Variants in KLF13 observed in about 807,000 individuals in gnomAD.
The protein encoded by KLF13 is KLF transcription factor 13, also known as Krueppel-like factor 13.
Under a neutral mutation model 16.7 loss-of-function variants are expected in KLF13, and 8 were observed. The ratio of observed to expected loss-of-function variants is 0.48; its 90% CI spans 0.28 to 0.87. The LOEUF (loss-of-function observed/expected upper bound fraction) is 0.87. Ranked by LOEUF, KLF13 falls within the 40% of genes least tolerant of loss-of-function variation. The pLI is 0.10. For synonymous variants in KLF13, 245 were observed against 208.4 expected (o/e 1.18, Z -1.51); for missense variants, 447 against 452.2 (o/e 0.99, Z 0.10).
intron 2 of KLF13, among the ~76,000 whole-genome samples, chr15:31,403,131 G>GT (rs2040064812): frequency 6.6e-6 from 1 of 152,200 alleles, no homozygotes; most frequent in African/African-American, 2.4e-5. Context: ...TCCCCAAAAT[G>GT]TTTGAGTATA....
chr15:31,339,611 C>T (rs1022683318), intron 1 of KLF13, among the ~76,000 whole-genome samples: 10 of 152,248 alleles, frequency 6.6e-5, no homozygotes, highest in African/African-American at 2.4e-4. Context: ...ACAACTGGTG[C>T]TTCCAGAAGC....
chr15:31,363,993 G>A (rs11858244), intron 1 of KLF13, among the ~76,000 whole-genome samples: 4,849 of 152,218 alleles, frequency 0.032, 248 homozygotes, highest in African/African-American at 0.11. Flanking sequence ...ACTGCTCCCT[G>A]CCCTAGGGGT....
upstream of KLF13, among the ~76,000 whole-genome samples, chr15:31,387,889 A>G (rs549699222): frequency 6.6e-6 from 1 of 152,306 alleles, no homozygotes; most frequent in African/African-American, 2.4e-5. Context: ...TTGTCCCATA[A>G]TAGGGGTGCT....
At chr15:31,330,363 A>G (rs1051254824) in intron 1 of KLF13, among the ~76,000 whole-genome samples, 1 of 152,126 alleles carries the variant, frequency 6.6e-6, no homozygotes, top group Non-Finnish European at 1.5e-5. Flanking sequence ...CCGCATTTCC[A>G]GGATCCACAG....
chr15:31,379,173 T>C (rs1351378608), downstream of KLF13, among the ~76,000 whole-genome samples: 1 of 152,184 alleles, frequency 6.6e-6, no homozygotes. Context: ...TTCTGTATCA[T>C]AGACTGGGGG....
rs2040307229 is a variant in KLF13, at chr15:31,420,423, T to C, written n.118-14947T>C. 8.4e-6 allele frequency: 9 copies of C among 1,074,896 alleles called. No homozygotes were observed. In the East Asian group the frequency reaches 2.0e-4, roughly 24 times the overall value. The allele number at this position is 1,074,896 out of a possible 1,614,324, so 66.6% of individuals were successfully genotyped here. On this transcript the variant is annotated intron_variant and non_coding_transcript_variant, in intron 1 of 1. Transcript: ENST00000558225. ...TACAATGAGCCCACAGTGAAGTTCC[T>C]CACATCCTGCTACCACCCCAACATA...
rs1314205905 is a variant in KLF13, at chr15:31,375,971, C to G, written c.*3672C>G. 2 of 152,492 alleles carry G rather than the reference C, an allele frequency of 1.3e-5. No homozygotes were observed. Among genetic ancestry groups the G allele is most frequent in the Admixed American group, 6.5e-5 (1 of 15,290 alleles). 9.4% of individuals were successfully genotyped at this position (152,492 alleles called of 1,614,324 possible). ...TGGTGCAGCCTCCGGGTACAAACAT[C>G]TGAGGCACTGGCGATCCCAGTCCTT... On this transcript the variant is annotated 3_prime_UTR_variant, in exon 2 of 2. Coordinates refer to ENST00000307145, the MANE Select transcript of KLF13 (RefSeq NM_015995.4).
chr15:31,327,886 G>A (rs1566797873), intron 1 of KLF13, 97 bp downstream of exon 1: 1 of 1,161,704 alleles, frequency 8.6e-7, no homozygotes, highest in Non-Finnish European at 1.1e-6. Context: ...GCGAGGTGGG[G>A]GCCGGGCGGG....
chr15:31,400,918 A>G (rs1337440098), intron 2 of KLF13, among the ~76,000 whole-genome samples: 1 of 152,128 alleles, frequency 6.6e-6, no homozygotes, highest in Non-Finnish European at 1.5e-5. Flanking sequence ...GAGCACCTGG[A>G]AGCGTCGCAT....
chr15:31,413,515 CA>C lies in KLF13; in HGVS notation n.117+19825del, dbSNP rs553111844. Among the ~76,000 whole-genome samples, 805 of 152,214 alleles carry C rather than the reference CA, an allele frequency of 5.3e-3. 7 individuals are homozygous for C. Among genetic ancestry groups the C allele is most frequent in the South Asian group, 0.022 (106 of 4,820 alleles). On this transcript the variant is annotated intron_variant and non_coding_transcript_variant, in intron 1 of 1. Coordinates refer to the KLF13 transcript ENST00000558225. The stretch of plus-strand genomic sequence containing the variant: ...TAAAAGAGAACCCCAAATACATTAG[CA>C]GCTGACTTTTCATAACAAAACACAG...
At chr15:31,422,759 G>A (rs951813012) in intron 1 of KLF13, among the ~76,000 whole-genome samples, 2 of 152,100 alleles carry the variant, frequency 1.3e-5, no homozygotes, top group East Asian at 1.9e-4. Context: ...TTTCAGCTGG[G>A]CGCAGTGGCT....
chr15:31,405,038 C>T (rs1360608242), downstream of KLF13, among the ~76,000 whole-genome samples: 1 of 152,156 alleles, frequency 6.6e-6, no homozygotes, highest in East Asian at 1.9e-4. Context: ...TAGATGGAAC[C>T]ATGTGCCCCT....
At chr15:31,391,491 C>T (rs8025401), upstream of KLF13, among the ~76,000 whole-genome samples, 2 of 151,330 alleles carry the variant, frequency 1.3e-5, no homozygotes. Context: ...GTCTGCTCGC[C>T]GCATTTTAAC....
chr15:31,377,051 T>A lies in KLF13; in HGVS notation c.*4752T>A, dbSNP rs1458961117. ...TTCTTAAGGCCTCAGGGTCCTGTTTTCCCTGGCCTCTTCTAGAGGGCCCGT... is the reference window on the plus strand; with the variant it reads ...TTCTTAAGGCCTCAGGGTCCTGTTTACCCTGGCCTCTTCTAGAGGGCCCGT... On this transcript the variant is annotated 3_prime_UTR_variant, in exon 2 of 2. Coordinates refer to ENST00000307145, the MANE Select transcript of KLF13 (RefSeq NM_015995.4). 4.6e-5 allele frequency: 7 copies of A among 152,184 alleles called. No homozygotes were observed. The allele number at this position is 152,184 out of a possible 1,614,324, so 9.4% of individuals were successfully genotyped here.
At chr15:31,339,070 T>C (rs1271158387) in intron 1 of KLF13, among the ~76,000 whole-genome samples, 1 of 152,038 alleles carries the variant, frequency 6.6e-6, no homozygotes, top group Non-Finnish European at 1.5e-5. Flanking sequence ...GCCTGTCCCT[T>C]GGGTGTTGGG....
intron 2 of KLF13, among the ~76,000 whole-genome samples, chr15:31,402,165 G>T (rs1483025216): frequency 6.6e-6 from 1 of 152,240 alleles, no homozygotes; most frequent in East Asian, 1.9e-4. Flanking sequence ...AAGGGCTGTG[G>T]GGGCCGGGCA....
chr15:31,329,963 C>A (rs1006140137), intron 1 of KLF13, among the ~76,000 whole-genome samples: 1 of 152,138 alleles, frequency 6.6e-6, no homozygotes, highest in African/African-American at 2.4e-5. Flanking sequence ...TACCGGTACC[C>A]CAGGTGACCC....
chr15:31,426,807 T>C (rs577640079), intron 1 of KLF13, among the ~76,000 whole-genome samples: 2 of 152,198 alleles, frequency 1.3e-5, no homozygotes, highest in African/African-American at 4.8e-5. Flanking sequence ...CAGTGGACCA[T>C]ATAGGGAAGA....
At chr15:31,364,528 A>G (rs967884467) in intron 1 of KLF13, among the ~76,000 whole-genome samples, 10 of 152,248 alleles carry the variant, frequency 6.6e-5, no homozygotes, top group Non-Finnish European at 1.5e-4. Flanking sequence ...ATAGGTGATA[A>G]CATTGTTATC....
Sources: allele counts gnomAD v4.1 joint callset (sites outside exome capture counted in the v4.1 genomes callset), GRCh38; gene constraint gnomAD v4.1.1; transcripts MANE v1.5; gene names NCBI Gene and HGNC (gene_info 2026-07-23, HGNC 2026-07-21).